Variants in PEBP4 observed in about 807,000 individuals in gnomAD.
PEBP4 encodes phosphatidylethanolamine-binding protein 4.
In PEBP4, 22 loss-of-function variants were observed where a neutral mutation model predicts 23.9. The ratio of observed to expected loss-of-function variants is 0.92; its 90% CI spans 0.66 to 1.31. The LOEUF (loss-of-function observed/expected upper bound fraction) is 1.31, where lower values mean the gene tolerates loss of function less well. PEBP4 is among the 40% of genes most tolerant of loss of function. The pLI is 0.00. For synonymous variants in PEBP4, 112 were observed against 99.3 expected, an observed-to-expected ratio of 1.13 and a Z score of -0.76; for missense variants, 324 against 281.7, an observed-to-expected ratio of 1.15 and a Z score of -1.07.
intron 3 of PEBP4, among the ~76,000 whole-genome samples, chr8:22,824,316 T>C (rs1806923189): frequency 6.6e-6 from 1 of 152,194 alleles, no homozygotes; most frequent in Non-Finnish European, 1.5e-5. Context: ...ATTCTTCTCC[T>C]GTTTAAACAA....
At chr8:22,719,331 GT>G (rs1448102571) in intron 6 of PEBP4, among the ~76,000 whole-genome samples, 6 of 152,188 alleles carry the variant, frequency 3.9e-5, no homozygotes, top group Non-Finnish European at 7.3e-5. Flanking sequence ...ATGTCCTCTC[GT>G]GGGGCAGAGA....
intron 4 of PEBP4, among the ~76,000 whole-genome samples, chr8:22,801,464 C>A (rs1806379004): frequency 6.6e-6 from 1 of 152,060 alleles, no homozygotes; most frequent in Non-Finnish European, 1.5e-5. Flanking sequence ...CAGGGAGGTA[C>A]CTGTTCCTGG....
At chr8:22,907,660 C>T (rs1287818296) in intron 3 of PEBP4, among the ~76,000 whole-genome samples, 3 of 152,138 alleles carry the variant, frequency 2.0e-5, no homozygotes, top group Non-Finnish European at 4.4e-5. Context: ...CCACTGTCAG[C>T]ACTTTGGCTC....
In PEBP4 at chr8:22,920,314, T is replaced by C. The variant is rs773461643; in HGVS notation, c.132-4A>G. On this transcript the variant is annotated splice_region_variant and splice_polypyrimidine_tract_variant and intron_variant, in intron 2 of 6. Transcript: ENST00000256404. The stretch of plus-strand genomic sequence containing the variant: ...TGGGTAGAAAACTTCAAGGCCCCTA[T>C]GAAGAGAGAGGGGAGGTTGCCCTGT... 2.5e-6 allele frequency: 4 copies of C among 1,609,222 alleles called. No homozygotes were observed. Among genetic ancestry groups the C allele is most frequent in the Non-Finnish European group, 2.6e-6 (3 of 1,176,044 alleles).
intron 4 of PEBP4, among the ~76,000 whole-genome samples, chr8:22,755,358 C>T (rs1486552947): frequency 2.7e-5 from 3 of 109,924 alleles, no homozygotes; most frequent in Non-Finnish European, 5.1e-5. Flanking sequence ...TTTTTTGAGA[C>T]GGAGTCATGC....
intron 3 of PEBP4, among the ~76,000 whole-genome samples, chr8:22,846,704 C>T (rs1397872594): frequency 1.3e-5 from 2 of 152,194 alleles, no homozygotes. Context: ...CCCGGAGTCT[C>T]CAGTTCCCTG....
chr8:22,830,147 T>TGTGTGTGTGTGTGTGTGTGTGTG (rs1393564112), intron 3 of PEBP4, among the ~76,000 whole-genome samples: 4 of 80,900 alleles, frequency 4.9e-5, no homozygotes, highest in African/African-American at 2.2e-4. Flanking sequence ...GTGTGTGTGT[T>TGTGTGTGTGTGTGTGTGTGTGTG]TTTACGGAGT....
chr8:22,870,960 G>A (rs141879402), intron 3 of PEBP4, among the ~76,000 whole-genome samples: 92 of 152,232 alleles, frequency 6.0e-4, no homozygotes, highest in African/African-American at 2.0e-3. Context: ...GAAAGGGAAC[G>A]TTCTGGAGGA....
intron 4 of PEBP4, among the ~76,000 whole-genome samples, chr8:22,784,868 A>G (rs1019171751): frequency 1.3e-5 from 2 of 152,138 alleles, no homozygotes; most frequent in African/African-American, 4.8e-5. Flanking sequence ...CCCTCTGTCA[A>G]CAGCGACATC....
chr8:22,871,009 C>T (rs1248999828), intron 3 of PEBP4, among the ~76,000 whole-genome samples: 3 of 152,138 alleles, frequency 2.0e-5, no homozygotes, highest in South Asian at 2.1e-4. Flanking sequence ...CTTTCCTGCT[C>T]AACCCAGGAA....
intron 3 of PEBP4, among the ~76,000 whole-genome samples, chr8:22,918,781 G>A (rs766952173): frequency 1.3e-5 from 2 of 152,160 alleles, no homozygotes; most frequent in Admixed American, 1.3e-4. Flanking sequence ...TTCCTGCCCG[G>A]CCTCTGCACC....
chr8:22,940,768 C>T (rs534176942), intron 1 of PEBP4, among the ~76,000 whole-genome samples: 15 of 152,286 alleles, frequency 9.8e-5, no homozygotes, highest in African/African-American at 3.1e-4. Flanking sequence ...GGATTATAGG[C>T]GTGAGCCACC....
At position 22,717,015 on chromosome 8, in the gene PEBP4, C is replaced by T. The variant is rs535124298; in HGVS notation, c.518-3479G>A. ...CAGTAGAACTTTGTAGTCTGGGTCCCTAGCAGACAAGGTCCCCACCCCTAG... is the reference window on the plus strand; with the variant it reads ...CAGTAGAACTTTGTAGTCTGGGTCCTTAGCAGACAAGGTCCCCACCCCTAG... On this transcript the variant is annotated intron_variant, in intron 6 of 6. Transcript: ENST00000256404. 5.9e-5 allele frequency among the ~76,000 whole-genome samples: 9 copies of T among 152,336 alleles called. No homozygotes were observed. In the East Asian group the frequency reaches 1.7e-3, roughly 29 times the overall value.
intron 3 of PEBP4, chr8:22,895,616 G>GGTC (rs1808574272): frequency 6.6e-6 from 1 of 151,872 alleles, no homozygotes; most frequent in African/African-American, 2.4e-5. Flanking sequence ...TCTTCAAATA[G>GGTC]TTCTACTCTG....
intron 4 of PEBP4, among the ~76,000 whole-genome samples, chr8:22,790,698 G>A (rs922178312): frequency 2.6e-5 from 4 of 152,150 alleles, no homozygotes; most frequent in Non-Finnish European, 5.9e-5. Flanking sequence ...CATTTTACAG[G>A]CTTCTGGAGA....
At chr8:22,846,322 C>A (rs1238348590) in intron 3 of PEBP4, among the ~76,000 whole-genome samples, 1 of 152,170 alleles carries the variant, frequency 6.6e-6, no homozygotes, top group Non-Finnish European at 1.5e-5. Context: ...CTCCCTGTGC[C>A]ACCTTCTTTT....
intron 1 of PEBP4, among the ~76,000 whole-genome samples, chr8:22,940,437 C>T (rs900987765): frequency 1.3e-5 from 2 of 151,268 alleles, no homozygotes; most frequent in African/African-American, 4.9e-5. Context: ...ATGATGTGCT[C>T]AAATCACGCT....
At chr8:22,762,175 G>A (rs1373977975) in intron 4 of PEBP4, among the ~76,000 whole-genome samples, 1 of 152,148 alleles carries the variant, frequency 6.6e-6, no homozygotes, top group African/African-American at 2.4e-5. Flanking sequence ...GAAATCGCAT[G>A]TGTTCTGGGG....
At chr8:22,800,517 TTACTC>T (rs1260810604) in intron 4 of PEBP4, among the ~76,000 whole-genome samples, 1 of 152,048 alleles carries the variant, frequency 6.6e-6, no homozygotes, top group African/African-American at 2.4e-5. Flanking sequence ...TTGTGACTCT[TTACTC>T]TTCATGGCAA....
Sources: allele counts gnomAD v4.1 joint callset (sites outside exome capture counted in the v4.1 genomes callset), GRCh38; gene constraint gnomAD v4.1.1; transcripts MANE v1.5; gene names NCBI Gene and HGNC (gene_info 2026-07-23, HGNC 2026-07-21).